PTPRN2: variants seen among roughly 807,000 people sequenced by gnomAD.
PTPRN2 encodes receptor-type tyrosine-protein phosphatase N2.
PTPRN2 carries 74 observed loss-of-function variants against 118.8 expected under a neutral mutation model. That is an observed-to-expected ratio of 0.62 (90% CI 0.52 to 0.76). The LOEUF (loss-of-function observed/expected upper bound fraction) is 0.76. Ranked by LOEUF, PTPRN2 falls within the 30% of genes least tolerant of loss-of-function variation. The pLI, the probability that PTPRN2 is intolerant of heterozygous loss-of-function variation, is 0.00. For missense variants in PTPRN2, 1,481 were observed against 1,394.4 expected (o/e 1.06, Z -0.99); for synonymous variants, 641 against 608.0 (o/e 1.05, Z -0.80).
At chr7:158,358,511 G>GCA (rs1162770564) in intron 2 of PTPRN2, among the ~76,000 whole-genome samples, 1 of 152,186 alleles carries the variant, frequency 6.6e-6, no homozygotes, top group Non-Finnish European at 1.5e-5. Context: ...GTACCCCCAC[G>GCA]CACACAGCAT....
intron 11 of PTPRN2, among the ~76,000 whole-genome samples, chr7:157,958,371 T>C (rs1472305170): frequency 6.6e-6 from 1 of 152,154 alleles, no homozygotes. Flanking sequence ...CCACTGTTAT[T>C]CAAGACAGTA....
At chr7:158,370,467 G>A (rs770138845) in intron 2 of PTPRN2, among the ~76,000 whole-genome samples, 6 of 149,270 alleles carry the variant, frequency 4.0e-5, no homozygotes, top group Non-Finnish European at 7.4e-5. Flanking sequence ...ATAAAGGCTG[G>A]GAGGGCTGGG....
At chr7:158,342,250 C>T (rs1405311235) in intron 2 of PTPRN2, among the ~76,000 whole-genome samples, 4 of 147,008 alleles carry the variant, frequency 2.7e-5, no homozygotes, top group Non-Finnish European at 4.5e-5. Flanking sequence ...AGAGCTGACG[C>T]CCGCAGACGT....
At chr7:158,008,656 G>T (rs1054686821) in intron 11 of PTPRN2, among the ~76,000 whole-genome samples, 2 of 152,212 alleles carry the variant, frequency 1.3e-5, no homozygotes, top group Non-Finnish European at 2.9e-5. Context: ...CAGCAGTGAC[G>T]TGTCTCCATG....
intron 13 of PTPRN2, 60 bp from the exon 14 acceptor site, chr7:157,656,611 G>C (rs975610478): frequency 1.4e-6 from 2 of 1,408,900 alleles, no homozygotes; most frequent in East Asian, 2.5e-5. Flanking sequence ...CCAGCAGGAC[G>C]AGGGCCACGG....
At position 158,316,874 on chromosome 7, in the gene PTPRN2, C is replaced by T; in HGVS notation, c.222G>A (p.Val74=). 1 of 1,612,236 alleles carries T rather than the reference C, an allele frequency of 6.2e-7. No homozygotes were observed. ...VPAMDFYRYE[V]SPVALQRLRV... ...GCAGGCGCTGCAGGGCCACGGGCGA[C>T]ACCTCGTAGCGGTAAAAGTCCATTG... Residue 74 remains valine (V), a synonymous_variant, in exon 3 of 23, where the codon GTG becomes GTA. Transcript: ENST00000389418.
At chr7:158,350,454 G>C (rs530482215) in intron 2 of PTPRN2, among the ~76,000 whole-genome samples, 7 of 152,360 alleles carry the variant, frequency 4.6e-5, no homozygotes, top group Non-Finnish European at 8.8e-5. Context: ...CTGCGGGCCT[G>C]CTTCTGGTGT....
In PTPRN2 at chr7:157,986,081, G is replaced by A. The variant is rs1191158575; in HGVS notation, c.1724-87344C>T. Among the ~76,000 whole-genome samples the A allele has an allele frequency of 6.6e-6, 1 of 152,232 alleles. No homozygotes were observed. The highest frequency in any genetic ancestry group is 1.5e-5 in the Non-Finnish European group (1 of 68,042). On this transcript the variant is annotated intron_variant, in intron 11 of 22. Transcript: ENST00000389418. The surrounding 1 kb of genome is among the most constrained non-coding windows in gnomAD (Gnocchi z 4.5). The stretch of plus-strand genomic sequence containing the variant: ...ACTTCCTGCTTCCAGATGGATGGAG[G>A]TGGGAGGAGGGAGGGGTTCTGACCA...
At chr7:157,759,178 C>T (rs750681645) in intron 12 of PTPRN2, among the ~76,000 whole-genome samples, 83 of 152,364 alleles carry the variant, frequency 5.4e-4, no homozygotes, top group Non-Finnish European at 5.6e-4. Context: ...CTGGGAGCAT[C>T]GGTGCCTGGG....
chr7:158,306,053 G>A (rs920613969), intron 3 of PTPRN2, among the ~76,000 whole-genome samples: 17 of 152,152 alleles, frequency 1.1e-4, no homozygotes, highest in South Asian at 2.1e-4. Context: ...TTGTTCCCTG[G>A]AGGACCCACT....
At chr7:158,038,297 G>A (rs1808219749) in intron 11 of PTPRN2, among the ~76,000 whole-genome samples, 1 of 152,128 alleles carries the variant, frequency 6.6e-6, no homozygotes, top group African/African-American at 2.4e-5. Context: ...TACACTGCAG[G>A]AGAAAGGGTA....
At chr7:158,337,442 C>T (rs1563167640) in intron 2 of PTPRN2, among the ~76,000 whole-genome samples, 4 of 140,688 alleles carry the variant, frequency 2.8e-5, no homozygotes, top group Non-Finnish European at 6.2e-5. Flanking sequence ...GAGGTGACAC[C>T]CACAGACGTC....
chr7:158,274,084 AGG>A, intron 3 of PTPRN2, among the ~76,000 whole-genome samples: 1 of 102,396 alleles, frequency 9.8e-6, no homozygotes, highest in South Asian at 3.5e-4. Context: ...CCGCAGACAC[AGG>A]GGGAGCTGCA....
In PTPRN2 at chr7:158,321,996, G is replaced by A. The variant is rs116354559; in HGVS notation, c.164-5064C>T. Reference sequence around the variant, plus strand: ...GAAGCCTAACCCCCAGGTGCTCCTCGATGACGGCTTCGTGCCTTCTCCCTC... The same window carrying A: ...GAAGCCTAACCCCCAGGTGCTCCTCAATGACGGCTTCGTGCCTTCTCCCTC... On this transcript the variant is annotated intron_variant, in intron 2 of 22. Coordinates refer to ENST00000389418, the MANE Select transcript of PTPRN2 (RefSeq NM_002847.5). Among the ~76,000 whole-genome samples the A allele has an allele frequency of 9.3e-3, 1,414 of 152,292 alleles. 20 individuals are homozygous for A. Among genetic ancestry groups the A allele is most frequent in the African/African-American group, 0.032 (1,338 of 41,554 alleles).
chr7:157,621,336 T>C (rs10261026), intron 15 of PTPRN2, 26 bp downstream of exon 15: 152,812 of 1,486,108 alleles, frequency 0.1, 8,128 homozygotes, highest in Non-Finnish European at 0.11. Flanking sequence ...TAACCCAGGC[T>C]TCCTGCCCCC....
At chr7:158,235,115 G>A (rs1829446358) in intron 3 of PTPRN2, among the ~76,000 whole-genome samples, 1 of 149,954 alleles carries the variant, frequency 6.7e-6, no homozygotes, top group African/African-American at 2.5e-5. Context: ...GCACGGATGT[G>A]GAGAGGAGCC....
intron 11 of PTPRN2, among the ~76,000 whole-genome samples, chr7:158,061,965 C>T (rs1388589356): frequency 6.6e-6 from 1 of 152,256 alleles, no homozygotes; most frequent in Admixed American, 6.5e-5. Context: ...AGTGCCCATG[C>T]GTGGTGTCCC....
intron 14 of PTPRN2, among the ~76,000 whole-genome samples, chr7:157,631,847 A>G (rs997644832): frequency 1.3e-5 from 2 of 151,564 alleles, no homozygotes; most frequent in Non-Finnish European, 2.9e-5. Context: ...AAAAAAAAAA[A>G]AGAGAGAATT....
chr7:158,210,110 TCAAA>T (rs1827475747), intron 3 of PTPRN2, among the ~76,000 whole-genome samples: 1 of 141,726 alleles, frequency 7.1e-6, no homozygotes, highest in African/African-American at 2.6e-5. Flanking sequence ...GAGAATACCC[TCAAA>T]CAATCTAATG....
Sources: allele counts gnomAD v4.1 joint callset (sites outside exome capture counted in the v4.1 genomes callset), GRCh38; gene constraint gnomAD v4.1.1; non-coding constraint Gnocchi (gnomAD v3.1); transcripts MANE v1.5; gene names NCBI Gene and HGNC (gene_info 2026-07-23, HGNC 2026-07-21).